RASGRF2: variants seen among roughly 807,000 people sequenced by gnomAD.
RASGRF2 encodes the protein ras-specific guanine nucleotide-releasing factor 2.
A neutral mutation model predicts 151.0 loss-of-function variants in RASGRF2; 76 were observed. That is an observed-to-expected ratio of 0.50 (90% CI 0.42 to 0.61). The LOEUF is 0.61. RASGRF2 is among the 20% of genes least tolerant of loss of function. RASGRF2 has a pLI of 0.00. For missense variants in RASGRF2, 1,148 were observed against 1,564.6 expected (o/e 0.73, Z 4.49); for synonymous variants, 504 against 566.5 (o/e 0.89, Z 1.57).
intron 7 of RASGRF2, among the ~76,000 whole-genome samples, chr5:81,083,734 C>T (rs1278173251): frequency 6.6e-6 from 1 of 152,068 alleles, no homozygotes; most frequent in Non-Finnish European, 1.5e-5. Flanking sequence ...ATGTATGTGT[C>T]GAAAGTCCAT....
intron 1 of RASGRF2, among the ~76,000 whole-genome samples, chr5:81,037,235 G>T (rs749900711): frequency 6.6e-5 from 10 of 152,138 alleles, no homozygotes; most frequent in Non-Finnish European, 1.2e-4. Flanking sequence ...TTTGGGTGGG[G>T]ACACAGCCAA....
chr5:81,189,673 A>G (rs1191045935), intron 18 of RASGRF2, among the ~76,000 whole-genome samples: 1 of 148,242 alleles, frequency 6.7e-6, no homozygotes, highest in African/African-American at 2.5e-5. Context: ...ATAATTTTAT[A>G]CAATCACCAT....
At chr5:81,103,014 G>A (rs879433113) in intron 12 of RASGRF2, among the ~76,000 whole-genome samples, 2 of 152,004 alleles carry the variant, frequency 1.3e-5, no homozygotes, top group Non-Finnish European at 2.9e-5. Context: ...ACTTGGAAAA[G>A]ACCATAAAAT....
At chr5:81,146,786 T>C (rs1283928826) in intron 17 of RASGRF2, among the ~76,000 whole-genome samples, 2 of 152,158 alleles carry the variant, frequency 1.3e-5, no homozygotes, top group Non-Finnish European at 2.9e-5. Context: ...AATCTGATTG[T>C]TCATCAGAAA....
chr5:81,216,482 G>A (rs763688810), intron 24 of RASGRF2, among the ~76,000 whole-genome samples: 10 of 151,992 alleles, frequency 6.6e-5, no homozygotes, highest in Non-Finnish European at 1.2e-4. Flanking sequence ...CATGAGTCCT[G>A]TGATGGTATG....
At chr5:81,059,571 G>T (rs1215584556) in intron 2 of RASGRF2, among the ~76,000 whole-genome samples, 6 of 151,904 alleles carry the variant, frequency 3.9e-5, no homozygotes, top group Non-Finnish European at 8.8e-5. Flanking sequence ...CCTGGGCTGG[G>T]CGCGGTGGCT....
At chr5:80,969,860 CT>C (rs1747873212) in intron 1 of RASGRF2, among the ~76,000 whole-genome samples, 1 of 77,996 alleles carries the variant, frequency 1.3e-5, no homozygotes, top group Non-Finnish European at 2.2e-5. Context: ...GAGTTTTGCT[CT>C]TGTTGCCCAG....
At chr5:80,984,686 C>G (rs961735376) in intron 1 of RASGRF2, among the ~76,000 whole-genome samples, 5 of 152,162 alleles carry the variant, frequency 3.3e-5, no homozygotes, top group African/African-American at 1.2e-4. Context: ...TAAGGAAACA[C>G]TTGTATTAAT....
intron 1 of RASGRF2, among the ~76,000 whole-genome samples, chr5:81,012,372 T>C (rs1749491603): frequency 6.6e-6 from 1 of 152,138 alleles, no homozygotes; most frequent in Non-Finnish European, 1.5e-5. Flanking sequence ...TGCTGAACAG[T>C]TTTCCAGTGC....
chr5:81,022,668 C>T (rs1431820597), intron 1 of RASGRF2, among the ~76,000 whole-genome samples: 8 of 152,206 alleles, frequency 5.3e-5, no homozygotes, highest in African/African-American at 1.9e-4. Flanking sequence ...TCCTTCTTGC[C>T]ACACTCCTCC....
At chr5:81,034,040 A>G (rs867682036) in intron 1 of RASGRF2, among the ~76,000 whole-genome samples, 3 of 152,240 alleles carry the variant, frequency 2.0e-5, no homozygotes, top group Non-Finnish European at 4.4e-5. Context: ...CAACAGACAC[A>G]TGAAAAAATG....
chr5:81,119,060 C>T (rs774666521), intron 15 of RASGRF2, among the ~76,000 whole-genome samples: 4 of 152,116 alleles, frequency 2.6e-5, no homozygotes, highest in East Asian at 1.9e-4. Flanking sequence ...TTCTTCTGAG[C>T]GCTGACTATT....
chr5:81,026,632 C>T (rs533753835), intron 1 of RASGRF2, among the ~76,000 whole-genome samples: 1 of 152,160 alleles, frequency 6.6e-6, no homozygotes, highest in African/African-American at 2.4e-5. Flanking sequence ...GTTGGATAAG[C>T]CTGCAATTCC....
intron 21 of RASGRF2, among the ~76,000 whole-genome samples, chr5:81,207,796 A>G (rs553387110): frequency 6.6e-5 from 10 of 152,308 alleles, no homozygotes; most frequent in African/African-American, 2.2e-4. Flanking sequence ...GTACAAGCCT[A>G]AAAGGAGCGC....
At chr5:81,113,006 G>T (rs1580327166) in intron 14 of RASGRF2, 148 bp downstream of exon 14, 12 of 1,082,936 alleles carry the variant, frequency 1.1e-5, no homozygotes, top group Non-Finnish European at 1.4e-5. Flanking sequence ...TCCAGCAGAA[G>T]GCCATATGTA....
At chr5:81,101,192 T>C (rs1752688535) in intron 12 of RASGRF2, among the ~76,000 whole-genome samples, 1 of 152,242 alleles carries the variant, frequency 6.6e-6, no homozygotes. Flanking sequence ...GAAACCCTGC[T>C]TATTTGAATA....
chr5:80,991,318 G>A (rs893253717), intron 1 of RASGRF2, among the ~76,000 whole-genome samples: 2 of 152,110 alleles, frequency 1.3e-5, no homozygotes, highest in Non-Finnish European at 2.9e-5. Flanking sequence ...GTGTGTGTTG[G>A]GGGGCCTGAG....
intron 1 of RASGRF2, among the ~76,000 whole-genome samples, chr5:81,036,345 A>G (rs1750492125): frequency 6.6e-6 from 1 of 152,112 alleles, no homozygotes; most frequent in South Asian, 2.1e-4. Context: ...ATATATAATT[A>G]TATCAATAAT....
At chr5:81,040,557 G>A (rs1007954563) in intron 1 of RASGRF2, among the ~76,000 whole-genome samples, 2 of 152,210 alleles carry the variant, frequency 1.3e-5, no homozygotes, top group Non-Finnish European at 2.9e-5. Context: ...CACGGAGGTG[G>A]TAACCCTTCA....
Sources: gnomAD v4.1 joint callset for allele counts (sites outside exome capture counted in the v4.1 genomes callset) on GRCh38, gnomAD v4.1.1 for gene constraint, MANE v1.5 for transcripts, NCBI Gene and HGNC (gene_info 2026-07-23, HGNC 2026-07-21) for gene names.